The following SIRPG variants were observed in gnomAD, a reference collection of about 807,000 sequenced individuals.
SIRPG encodes the protein signal regulatory protein gamma, also known as signal-regulatory protein gamma.
A neutral mutation model predicts 35.7 loss-of-function variants in SIRPG; 38 were observed. That is an observed-to-expected ratio of 1.06 (90% CI 0.82 to 1.40). The LOEUF (loss-of-function observed/expected upper bound fraction) is 1.40, where lower values mean the gene tolerates loss of function less well. Among genes scored for constraint, SIRPG ranks in the 40% most tolerant of loss-of-function variants. The pLI is 0.00. For synonymous variants in SIRPG, 215 were observed against 190.4 expected (o/e 1.13, Z -1.06); for missense variants, 519 against 483.0 (o/e 1.07, Z -0.70).
intron 2 of SIRPG, among the ~76,000 whole-genome samples, chr20:1,640,986 T>C (rs1217045288): frequency 1.3e-5 from 2 of 152,228 alleles, no homozygotes; most frequent in Admixed American, 6.5e-5. Context: ...ATAAACTTTT[T>C]GATGTGCTGC....
At chr20:1,679,721 A>G in the SIRPG span, among the ~76,000 whole-genome samples, 2 of 152,118 alleles carry the variant, frequency 1.3e-5, no homozygotes, top group East Asian at 1.9e-4. Flanking sequence ...TTACTCTACC[A>G]TTTTCAACAC....
chr20:1,642,900 A>G (rs771043513), intron 2 of SIRPG, among the ~76,000 whole-genome samples: 20 of 151,698 alleles, frequency 1.3e-4, no homozygotes, highest in Non-Finnish European at 2.2e-4. Context: ...ATTGGCCCCC[A>G]CTCTCTCCTG....
At chr20:1,660,880 T>C (rs1395990725), upstream of SIRPG, among the ~76,000 whole-genome samples, 1 of 152,174 alleles carries the variant, frequency 6.6e-6, no homozygotes, top group Non-Finnish European at 1.5e-5. Flanking sequence ...CAAAACTTCC[T>C]GGTCTGAAAT....
At chr20:1,668,203 CT>C in the SIRPG span, among the ~76,000 whole-genome samples, 45 of 25,046 alleles carry the variant, frequency 1.8e-3, no homozygotes, top group African/African-American at 5.4e-3. Flanking sequence ...CTTTTCTTTT[CT>C]TTCTTTCTTT....
chr20:1,659,093 C>T (rs565501439), upstream of SIRPG, among the ~76,000 whole-genome samples: 46 of 152,290 alleles, frequency 3.0e-4, no homozygotes, highest in South Asian at 9.3e-3. Context: ...ATGCTTGACT[C>T]ATAATTAATT....
chr20:1,665,731 C>T, the SIRPG span, among the ~76,000 whole-genome samples: 1 of 152,202 alleles, frequency 6.6e-6, no homozygotes, highest in African/African-American at 2.4e-5. Flanking sequence ...TCTAATTTTC[C>T]ATTTCCCTTA....
At chr20:1,636,145 G>C in intron 3 of SIRPG, 43 bp downstream of exon 3, 1 of 1,611,210 alleles carries the variant, frequency 6.2e-7, no homozygotes, top group Non-Finnish European at 8.5e-7. Flanking sequence ...GAGTGGGCTT[G>C]ACAGCCAGGT....
At chr20:1,682,678 T>C in the SIRPG span, among the ~76,000 whole-genome samples, 32 of 152,266 alleles carry the variant, frequency 2.1e-4, no homozygotes, top group African/African-American at 7.7e-4. Flanking sequence ...AGAAATAAAA[T>C]TGGAACTTCA....
intron 2 of SIRPG, among the ~76,000 whole-genome samples, chr20:1,640,454 A>G (rs989774919): frequency 2.6e-5 from 4 of 152,068 alleles, no homozygotes; most frequent in African/African-American, 7.2e-5. Context: ...TTGCACATTG[A>G]TTTTCTATCC....
At chr20:1,655,763 TA>T (rs1277006127) in intron 1 of SIRPG, among the ~76,000 whole-genome samples, 1 of 152,098 alleles carries the variant, frequency 6.6e-6, no homozygotes, top group Non-Finnish European at 1.5e-5. Context: ...GCATATTTCT[TA>T]ATATGTTGTA....
At chr20:1,665,755 T>C in the SIRPG span, among the ~76,000 whole-genome samples, 2 of 152,234 alleles carry the variant, frequency 1.3e-5, no homozygotes, top group African/African-American at 4.8e-5. Flanking sequence ...AAGGTTAGGT[T>C]ATGTATATTT....
chr20:1,634,840 G>A (rs1215817681), intron 4 of SIRPG, among the ~76,000 whole-genome samples: 2 of 151,590 alleles, frequency 1.3e-5, no homozygotes, highest in African/African-American at 2.4e-5. Flanking sequence ...TCAGGAGATC[G>A]AGACCATCCT....
At position 1,636,376 on chromosome 20, in the gene SIRPG, T is replaced by C; in HGVS notation, c.560A>G (p.Asn187Ser). Residue 187 changes from asparagine (N) to serine (S), a missense_variant, in exon 3 of 6, where the codon AAT (asparagine) becomes AGT (serine). Asn to Ser is a conservative substitution (Grantham distance 46, BLOSUM62 1). Coordinates refer to ENST00000303415, the MANE Select transcript of SIRPG (RefSeq NM_018556.4). ...GTTGGTCTGGAAGTCTGAGAGCTCA[T>C]TCCCATTTTTGAACCATTTCAGGGT... ...DITLKWFKNG[N>S]ELSDFQTNVD... The C allele has an allele frequency of 6.2e-7, 1 of 1,614,232 alleles. No individual in the cohort carries two copies. Among genetic ancestry groups the C allele is most frequent in the Admixed American group, 1.7e-5 (1 of 60,022 alleles).
chr20:1,632,389 G>A (rs1473780534), intron 4 of SIRPG, among the ~76,000 whole-genome samples: 1 of 152,048 alleles, frequency 6.6e-6, no homozygotes, highest in African/African-American at 2.4e-5. Context: ...CACGCCACTG[G>A]TGCAGCACTT....
chr20:1,635,874 A>G (rs2091795053), intron 3 of SIRPG, among the ~76,000 whole-genome samples: 1 of 152,208 alleles, frequency 6.6e-6, no homozygotes, highest in South Asian at 2.1e-4. Flanking sequence ...GTTGGAATGT[A>G]AGAACTGTAG....
At chr20:1,663,633 C>A in the SIRPG span, among the ~76,000 whole-genome samples, 12 of 152,200 alleles carry the variant, frequency 7.9e-5, no homozygotes, top group African/African-American at 2.9e-4. Flanking sequence ...TTTGAAGAGT[C>A]AACTGTTATA....
At chr20:1,635,885 C>G (rs534781102) in intron 3 of SIRPG, among the ~76,000 whole-genome samples, 15 of 152,254 alleles carry the variant, frequency 9.9e-5, no homozygotes, top group African/African-American at 3.6e-4. Flanking sequence ...AGAACTGTAG[C>G]AAAATCAGTG....
chr20:1,671,410 G>A, the SIRPG span, among the ~76,000 whole-genome samples: 1 of 152,108 alleles, frequency 6.6e-6, no homozygotes, highest in Non-Finnish European at 1.5e-5. Flanking sequence ...CTCTAAACAG[G>A]GTGACTTCCA....
chr20:1,633,092 GATA>G (rs1343207063), intron 4 of SIRPG, among the ~76,000 whole-genome samples: 1 of 152,068 alleles, frequency 6.6e-6, no homozygotes, highest in African/African-American at 2.4e-5. Flanking sequence ...ACACCAAAAA[GATA>G]ATAAGGAGAT....
Sources: gnomAD v4.1 joint callset for allele counts (sites outside exome capture counted in the v4.1 genomes callset) on GRCh38, gnomAD v4.1.1 for gene constraint, MANE v1.5 for transcripts, NCBI Gene and HGNC (gene_info 2026-07-23, HGNC 2026-07-21) for gene names.